PDS5A: variants seen among roughly 807,000 people sequenced by gnomAD.
PDS5A encodes PDS5 cohesin associated factor A.
A neutral mutation model predicts 167.1 loss-of-function variants in PDS5A; 42 were observed. The ratio of observed to expected loss-of-function variants is 0.25; its 90% CI spans 0.20 to 0.33. PDS5A has a LOEUF of 0.33. Among genes scored for constraint, PDS5A ranks in the 10% least tolerant of loss-of-function variants. PDS5A has a pLI of 1.00. For missense variants in PDS5A, 1,033 were observed against 1,605.9 expected, an observed-to-expected ratio of 0.64 and a Z score of 6.10; for synonymous variants, 553 against 554.6, an observed-to-expected ratio of 1.00 and a Z score of 0.04.
At chr4:39,918,822 C>T (rs1253373431) in intron 7 of PDS5A, among the ~76,000 whole-genome samples, 1 of 152,148 alleles carries the variant, frequency 6.6e-6, no homozygotes, top group African/African-American at 2.4e-5. Context: ...CACTACACTC[C>T]AGCCTGGGCA....
chr4:39,825,324 T>C lies in PDS5A; in HGVS notation c.*161A>G, dbSNP rs1715195674. ...ATTTCCATCAGAGGACTTGTGGTCA[T>C]GTGAAAAGGAAGTAATAGTCTCTTT... On this transcript the variant is annotated 3_prime_UTR_variant, in exon 33 of 33. Transcript: ENST00000303538. 1 of 499,304 alleles carries C rather than the reference T, an allele frequency of 2.0e-6. No individual in the cohort carries two copies. Among genetic ancestry groups the C allele is most frequent in the African/African-American group, 2.0e-5 (1 of 50,472 alleles). The allele number at this position is 499,304 out of a possible 1,614,324, so 30.9% of individuals were successfully genotyped here.
At chr4:39,904,584 G>A (rs1056844466) in intron 11 of PDS5A, among the ~76,000 whole-genome samples, 3 of 152,110 alleles carry the variant, frequency 2.0e-5, no homozygotes, top group Non-Finnish European at 2.9e-5. Flanking sequence ...CGCCCGCCTC[G>A]GCCCCCCAAA....
At chr4:39,897,455 G>A (rs1157862351) in intron 16 of PDS5A, among the ~76,000 whole-genome samples, 1 of 152,128 alleles carries the variant, frequency 6.6e-6, no homozygotes, top group Non-Finnish European at 1.5e-5. Flanking sequence ...CTGGTGTGCA[G>A]TGGCATGATC....
rs891323027 is a variant in PDS5A, at chr4:39,977,224, G to A, written c.-41+233C>T. On this transcript the variant is annotated intron_variant, in intron 1 of 32. Transcript: ENST00000303538. This position sits in a 1 kb window ranked among gnomAD's most constrained non-coding sequence, Gnocchi z 4.2. ...CCCTCCACCCTCAGCCCCACGCCAGGAAGCGGCTGACGCGCCTCCGCACTT... is the reference window on the plus strand; with the variant it reads ...CCCTCCACCCTCAGCCCCACGCCAGAAAGCGGCTGACGCGCCTCCGCACTT... 1.3e-5 allele frequency among the ~76,000 whole-genome samples: 2 copies of A among 151,992 alleles called. No individual in the cohort carries two copies. Among genetic ancestry groups the A allele is most frequent in the Non-Finnish European group, 2.9e-5 (2 of 67,956 alleles).
intron 9 of PDS5A, 71 bp from the exon 10 acceptor site, chr4:39,910,409 C>T: frequency 1.3e-6 from 1 of 751,226 alleles, no homozygotes; most frequent in Non-Finnish European, 2.3e-6. Context: ...GTATATCTAA[C>T]ATGAAAATAC....
chr4:39,940,558 T>C (rs1270152616), intron 2 of PDS5A, among the ~76,000 whole-genome samples: 1 of 152,228 alleles, frequency 6.6e-6, no homozygotes, highest in Non-Finnish European at 1.5e-5. Context: ...TAACCACCTT[T>C]TAGATAATGT....
chr4:39,826,935 A>G (rs1326750550), intron 32 of PDS5A, among the ~76,000 whole-genome samples: 1 of 152,206 alleles, frequency 6.6e-6, no homozygotes, highest in African/African-American at 2.4e-5. Flanking sequence ...CTAAGTGATT[A>G]TTACAATTCA....
At chr4:39,842,099 A>G in intron 30 of PDS5A, 43 bp from the exon 31 acceptor site, 1 of 1,265,006 alleles carries the variant, frequency 7.9e-7, no homozygotes, top group Non-Finnish European at 1.2e-6. Context: ...TTCCATGAAG[A>G]GAAAGTTCAC....
At chr4:39,937,687 G>A (rs1726759401) in intron 2 of PDS5A, among the ~76,000 whole-genome samples, 1 of 152,116 alleles carries the variant, frequency 6.6e-6, no homozygotes, top group African/African-American at 2.4e-5. Flanking sequence ...CCAAAGTGGT[G>A]TAAGCCACTG....
intron 26 of PDS5A, among the ~76,000 whole-genome samples, chr4:39,852,683 A>G (rs1249064303): frequency 6.6e-6 from 1 of 152,050 alleles, no homozygotes; most frequent in East Asian, 1.9e-4. Context: ...TTATTCTTCC[A>G]GGTTTATGTA....
In PDS5A at chr4:39,867,774, A is replaced by ACACACACCCC. The variant is rs369419469; in HGVS notation, c.2506-778_2506-777insGGGGTGTGTG. Among the ~76,000 whole-genome samples the ACACACACCCC allele has an allele frequency of 1.7e-4, 19 of 108,596 alleles. No individual in the cohort carries two copies. In the East Asian group the frequency reaches 2.2e-3, roughly 13 times the overall value. The allele number at this position is 108,596 out of a possible 152,430, so 71.2% of individuals were successfully genotyped here. Reference sequence around the variant, plus strand: ...CACACACACACACACACACACACACACCCCACAACTGTACTGATTGTGGTG... The same window carrying ACACACACCCC: ...CACACACACACACACACACACACACACACACACCCCCCCCACAACTGTACTGATTGTGGTG... On this transcript the variant is annotated intron_variant, in intron 22 of 32. Coordinates refer to ENST00000303538, the MANE Select transcript of PDS5A (RefSeq NM_001100399.2).
At chr4:39,906,651 G>A (rs969765784) in intron 11 of PDS5A, among the ~76,000 whole-genome samples, 7 of 151,352 alleles carry the variant, frequency 4.6e-5, no homozygotes, top group African/African-American at 1.2e-4. Context: ...GTGTGATGGT[G>A]GGAGCCTGTA....
chr4:39,908,934 G>T (rs1395969683), intron 10 of PDS5A: 1 of 163,026 alleles, frequency 6.1e-6, no homozygotes, highest in Non-Finnish European at 1.3e-5. Flanking sequence ...CAGCTACTTG[G>T]GAGGCTAAGG....
chr4:39,845,790 G>C lies in PDS5A; in HGVS notation c.3402+28C>G, dbSNP rs528052176. Reference sequence around the variant, plus strand: ...AGAAGCAAGATACACATGAAACAAAGATCTCAAAATTATTAAGTAAATAAT... The same window carrying C: ...AGAAGCAAGATACACATGAAACAAACATCTCAAAATTATTAAGTAAATAAT... On this transcript the variant is annotated intron_variant, in intron 29 of 32. Coordinates refer to ENST00000303538, the MANE Select transcript of PDS5A (RefSeq NM_001100399.2). 4.4e-6 allele frequency: 6 copies of C among 1,375,844 alleles called. No homozygotes were observed. The African/African-American group carries it at 7.7e-5, about 18-fold the overall frequency. 85.2% of individuals were successfully genotyped at this position (1,375,844 alleles called of 1,614,324 possible). A position where few individuals can be genotyped will look rare whatever the true frequency, so the allele number is the denominator to read the frequency against.
In PDS5A at chr4:39,856,194, G is replaced by A. The variant is rs146590561; in HGVS notation, c.3086+6025C>T. ...AGAGGCAGTGGGATGACATCTCCAA[G>A]TTCTAAAAAAACAAAAAACAAAAAA... On this transcript the variant is annotated intron_variant, in intron 26 of 32. Transcript: ENST00000303538. 4.2e-3 allele frequency among the ~76,000 whole-genome samples: 646 copies of A among 152,034 alleles called. 4 individuals carry two copies. The highest frequency in any genetic ancestry group is 0.015 in the African/African-American group (624 of 41,464).
chr4:39,866,778 A>G, intron 23 of PDS5A, 83 bp downstream of exon 23: 2 of 1,176,774 alleles, frequency 1.7e-6, no homozygotes, highest in Non-Finnish European at 2.4e-6. Context: ...TACACCATTC[A>G]GTATTCATTA....
rs1321710164 is a variant in PDS5A, at chr4:39,841,484, G to A, written c.3657+464C>T. Among the ~76,000 whole-genome samples the A allele has an allele frequency of 5.9e-5, 9 of 151,970 alleles. No homozygotes were observed. The South Asian group carries it at 1.7e-3, about 28-fold the overall frequency. On this transcript the variant is annotated intron_variant, in intron 31 of 32. Transcript: ENST00000303538. Reference sequence around the variant, plus strand: ...GTTGAAATGGGTAGTATAGGAAAAGGATACCACTACGGGTAGGTGACCACA... The same window carrying A: ...GTTGAAATGGGTAGTATAGGAAAAGAATACCACTACGGGTAGGTGACCACA...
intron 2 of PDS5A, among the ~76,000 whole-genome samples, chr4:39,950,374 C>A (rs1474652274): frequency 6.6e-6 from 1 of 151,664 alleles, no homozygotes; most frequent in Non-Finnish European, 1.5e-5. Context: ...TTGCAGTGAG[C>A]CGAGATCATG....
intron 2 of PDS5A, among the ~76,000 whole-genome samples, chr4:39,967,733 G>A: frequency 6.6e-6 from 1 of 151,850 alleles, no homozygotes; most frequent in East Asian, 1.9e-4. Flanking sequence ...GCCAAGGCAG[G>A]CAGATTATGA....
Sources: gnomAD v4.1 joint callset for allele counts (sites outside exome capture counted in the v4.1 genomes callset) on GRCh38, gnomAD v4.1.1 for gene constraint, Gnocchi (gnomAD v3.1) non-coding constraint, MANE v1.5 for transcripts, NCBI Gene and HGNC (gene_info 2026-07-23, HGNC 2026-07-21) for gene names.